SLC44A2: variants seen among roughly 807,000 people sequenced by gnomAD.
SLC44A2 encodes choline transporter-like protein 2.
SLC44A2 carries 57 observed loss-of-function variants against 90.8 expected under a neutral mutation model. The ratio of observed to expected loss-of-function variants is 0.63; its 90% confidence interval spans 0.51 to 0.78. The LOEUF is 0.78. Among genes scored for constraint, SLC44A2 ranks in the 30% least tolerant of loss-of-function variants. SLC44A2 has a pLI of 0.00. For synonymous variants in SLC44A2, 355 were observed against 360.7 expected, an observed-to-expected ratio of 0.98 and a Z score of 0.18; for missense variants, 794 against 919.7, an observed-to-expected ratio of 0.86 and a Z score of 1.77.
chr19:10,622,819 C>A (rs567598530), upstream of SLC44A2, among the ~76,000 whole-genome samples: 1 of 152,164 alleles, frequency 6.6e-6, no homozygotes, highest in South Asian at 2.1e-4. Flanking sequence ...GGAGGATCGC[C>A]TGAGCCCAGG....
chr19:10,633,555 A>C lies in SLC44A2; in HGVS notation c.824-1201A>C, dbSNP rs926514411. Among the ~76,000 whole-genome samples, 10 of 152,226 alleles carry C rather than the reference A, an allele frequency of 6.6e-5. No individual in the cohort carries two copies. The East Asian group carries it at 9.7e-4, about 15-fold the overall frequency. On this transcript the variant is annotated intron_variant, in intron 10 of 21. Coordinates refer to ENST00000335757, the MANE Select transcript of SLC44A2 (RefSeq NM_020428.4). The stretch of plus-strand genomic sequence containing the variant: ...ACTGCAGCCTTGACCTCCTGGGCTC[A>C]AGTGATCCTCCCGTCTTGGCCTCCC...
At chr19:10,614,160 T>C (rs1011097944) in intron 1 of SLC44A2, among the ~76,000 whole-genome samples, 22 of 151,784 alleles carry the variant, frequency 1.4e-4, no homozygotes, top group African/African-American at 5.3e-4. Flanking sequence ...AGAGATGGGG[T>C]TTCACCACGT....
intron 1 of SLC44A2, among the ~76,000 whole-genome samples, chr19:10,620,104 A>G (rs530482166): frequency 6.6e-6 from 1 of 152,218 alleles, no homozygotes; most frequent in East Asian, 1.9e-4. Context: ...CGAGCCCAGC[A>G]GGTGGAGGTT....
chr19:10,631,991 C>T (rs1328203219), intron 9 of SLC44A2, 40 bp downstream of exon 9: 7 of 1,613,178 alleles, frequency 4.3e-6, no homozygotes, highest in East Asian at 2.2e-5. Context: ...TGGCTGCCCC[C>T]TCTAAGCCTG....
chr19:10,639,830 G>A (rs1460201353), intron 20 of SLC44A2, among the ~76,000 whole-genome samples: 2 of 151,944 alleles, frequency 1.3e-5, no homozygotes, highest in African/African-American at 2.4e-5. Flanking sequence ...TCAGTGAGCC[G>A]AGATCGCGCC....
In SLC44A2 at chr19:10,643,567, AG is replaced by A. The variant is rs1344361282; in HGVS notation, c.*186del. 2 of 676,754 alleles carry A rather than the reference AG, an allele frequency of 3.0e-6. No individual in the cohort carries two copies. The highest frequency in any genetic ancestry group is 4.6e-6 in the Non-Finnish European group (2 of 434,408). 41.9% of individuals were successfully genotyped at this position (676,754 alleles called of 1,614,324 possible). ...TCTGGGGCATCTCCTTCTTATGCCA[AG>A]GGGCGCTTGGAGTTTTCATGGCTGC... is the stretch of plus-strand genomic sequence containing the variant. On this transcript the variant is annotated 3_prime_UTR_variant, in exon 22 of 22. Transcript: ENST00000335757.
intron 20 of SLC44A2, 27 bp downstream of exon 20, chr19:10,638,342 G>C: frequency 6.2e-7 from 1 of 1,602,240 alleles, no homozygotes; most frequent in Non-Finnish European, 8.6e-7. Flanking sequence ...AGAGATGGGG[G>C]TTTGGGAAGA....
rs3029799 is a variant in SLC44A2 at position 10,618,474 on chromosome 19, CTT to C, written c.32-7757_32-7756del. Among the ~76,000 whole-genome samples the C allele has an allele frequency of 7.2e-3, 629 of 87,204 alleles. 1 individual carries two copies. The highest frequency in any genetic ancestry group is 0.029 in the African/African-American group (595 of 20,214). 57.2% of individuals were successfully genotyped at this position (87,204 alleles called of 152,430 possible). Reference sequence around the variant, plus strand: ...ACAGGTGTAAGCCACTGCGCCCGGCCTTTTTTTTTTTTTTTTTTTTTTTGAGA... The same window carrying C: ...ACAGGTGTAAGCCACTGCGCCCGGCCTTTTTTTTTTTTTTTTTTTTTGAGA... On this transcript the variant is annotated intron_variant, in intron 1 of 21. Coordinates refer to the SLC44A2 transcript ENST00000407327.
chr19:10,611,349 G>A (rs1224664720), intron 1 of SLC44A2, among the ~76,000 whole-genome samples: 1 of 152,074 alleles, frequency 6.6e-6, no homozygotes, highest in Admixed American at 6.6e-5. Flanking sequence ...CTACTCAGGG[G>A]GCTGAGGCAG....
intron 4 of SLC44A2, 146 bp downstream of exon 4, chr19:10,628,150 C>CGA: frequency 7.0e-6 from 5 of 719,342 alleles, no homozygotes; most frequent in Middle Eastern, 3.8e-4. Context: ...TTTGGGAGGC[C>CGA]GAGGCAGGAA....
intron 1 of SLC44A2, among the ~76,000 whole-genome samples, chr19:10,607,104 C>T (rs965392501): frequency 3.3e-5 from 5 of 151,648 alleles, no homozygotes; most frequent in Admixed American, 2.0e-4. Context: ...TAGTAGAGAC[C>T]GGGTTTCGCC....
chr19:10,638,070 A>G lies in SLC44A2; in HGVS notation c.1817A>G (p.Lys606Arg). ...KVTDFLFLLG[K>R]LLIVGSVGIL... ...ACTGACTTCCTCTTCCTGTTGGGCA[A>G]ACTTCTGATCGTTGGTAGTGTGGGT... The change falls in exon 19 of 22, where the codon AAA becomes AGA. Residue 606 changes from lysine to arginine, a missense_variant. Transcript: ENST00000335757. 6.2e-7 allele frequency: 1 copy of G among 1,613,488 alleles called. No individual in the cohort carries two copies. The highest frequency in any genetic ancestry group is 8.5e-7 in the Non-Finnish European group (1 of 1,179,884).
rs539039200 is a variant in SLC44A2 at position 10,643,126 on chromosome 19, G to A, written c.2015-153G>A. The A allele has an allele frequency of 9.0e-6, 13 of 1,450,016 alleles. No homozygotes were observed. The South Asian group carries it at 1.3e-4, about 14-fold the overall frequency. The allele number at this position is 1,450,016 out of a possible 1,614,324, so 89.8% of individuals were successfully genotyped here. ...AGTGTGGGGATCCTGTGTGTCCCTC[G>A]GAGCCCACTACAGTCTGCCCCTCTC... On this transcript the variant is annotated intron_variant, in intron 21 of 21. Coordinates refer to ENST00000335757, the MANE Select transcript of SLC44A2 (RefSeq NM_020428.4).
intron 20 of SLC44A2, among the ~76,000 whole-genome samples, chr19:10,639,881 A>T (rs1002159821): frequency 4.3e-5 from 6 of 141,146 alleles, no homozygotes; most frequent in Admixed American, 1.4e-4. Context: ...ACTCTCTCTC[A>T]AAAAAAAAAA....
intron 4 of SLC44A2, among the ~76,000 whole-genome samples, chr19:10,629,574 G>A (rs1297695576): frequency 1.3e-5 from 2 of 150,188 alleles, no homozygotes; most frequent in East Asian, 2.0e-4. Flanking sequence ...CACCACACCC[G>A]GCCTATTATT....
At chr19:10,631,445 G>A in intron 6 of SLC44A2, 30 bp from the exon 7 acceptor site, 1 of 1,614,084 alleles carries the variant, frequency 6.2e-7, no homozygotes, top group South Asian at 1.1e-5. Context: ...CTAGACTTGG[G>A]GACTCACCTC....
Position 10,631,751 on chromosome 19 carries a change from T to A in SLC44A2, c.626+2T>A. ...CACAGACCTGGTGGAGGGCGCCAAG[T>A]GAGGATATTGGCGCACCGCGCCAGG... On this transcript the variant is annotated splice_donor_variant, in intron 8 of 21. Coordinates refer to ENST00000335757, the MANE Select transcript of SLC44A2 (RefSeq NM_020428.4). LOFTEE classifies it high-confidence loss of function. The A allele has an allele frequency of 6.2e-7, 1 of 1,613,702 alleles. No individual in the cohort carries two copies. The highest frequency in any genetic ancestry group is 8.5e-7 in the Non-Finnish European group (1 of 1,180,026).
At chr19:10,610,631 CTTT>C (rs56002726) in intron 1 of SLC44A2, among the ~76,000 whole-genome samples, 4 of 48,014 alleles carry the variant, frequency 8.3e-5, no homozygotes, top group Non-Finnish European at 1.5e-4. Context: ...CCGCGCCTGG[CTTT>C]TTTTTTTTTT....
chr19:10,631,005 C>CAAA (rs60016481), intron 4 of SLC44A2, 52 bp from the exon 5 acceptor site: 772 of 1,211,496 alleles, frequency 6.4e-4, no homozygotes, highest in Non-Finnish European at 7.4e-4. Context: ...GACTCTGTCT[C>CAAA]AAAAAAAAAA....
Sources: allele counts gnomAD v4.1 joint callset (sites outside exome capture counted in the v4.1 genomes callset), GRCh38; gene constraint gnomAD v4.1.1; transcripts MANE v1.5; gene names NCBI Gene and HGNC (gene_info 2026-07-23, HGNC 2026-07-21).